The following OR7G3 variants were observed in gnomAD, a reference collection of about 807,000 sequenced individuals.
The protein encoded by OR7G3 is olfactory receptor family 7 subfamily G member 3, also known as olfactory receptor 7G3.
For synonymous variants in OR7G3, 143 were observed against 157.6 expected, an observed-to-expected ratio of 0.91 and a Z score of 0.69; for missense variants, 352 against 372.1, an observed-to-expected ratio of 0.95 and a Z score of 0.44.
In OR7G3 at chr19:9,126,866, T is replaced by A; in HGVS notation, c.85A>T (p.Met29Leu). Residue 29 changes from methionine to leucine, a missense_variant, in exon 1 of 1, where the codon ATG (methionine) becomes TTG (leucine). Met to Leu is a conservative substitution (Grantham distance 15). Coordinates refer to ENST00000305444, the MANE Select transcript of OR7G3 (RefSeq NM_001001958.1). ...GDPELQPILFMLFLSMYLATM... is the reference protein window; with the variant it reads ...GDPELQPILFLLFLSMYLATM... The stretch of plus-strand genomic sequence containing the variant: ...GCCAGGTACATGGACAGGAACAGCA[T>A]GAAGAGGATGGGCTGCAGCTCCGGA... 3 of 1,613,440 alleles carry A rather than the reference T, an allele frequency of 1.9e-6. No homozygotes were observed. Among genetic ancestry groups the A allele is most frequent in the East Asian group, 2.2e-5 (1 of 44,836 alleles).
Position 9,126,061 on chromosome 19 carries a change from A to G in OR7G3, c.890T>C (p.Met297Thr). The G allele has an allele frequency of 1.2e-6, 2 of 1,613,040 alleles. No individual in the cohort carries two copies. Among genetic ancestry groups the G allele is most frequent in the Non-Finnish European group, 1.7e-6 (2 of 1,179,208 alleles). Residue 297 changes from methionine (M) to threonine (T), a missense_variant, in exon 1 of 1, where the codon ATG (methionine) becomes ACG (threonine). Physicochemically the swap from Met to Thr is moderately conservative, Grantham distance 81. Transcript: ENST00000305444. ...TATTAGTTTCCTCAAAGCCTTCAACATGTCCTTGTTTCTCAGGCTGTAAAT... is the reference window on the plus strand; with the variant it reads ...TATTAGTTTCCTCAAAGCCTTCAACGTGTCCTTGTTTCTCAGGCTGTAAAT... Reference protein sequence around the residue: ...PLIYSLRNKDMLKALRKLISR... With the variant: ...PLIYSLRNKDTLKALRKLISR...
Position 9,126,289 on chromosome 19 carries a change from A to G in OR7G3, c.662T>C (p.Ile221Thr), listed in dbSNP as rs775795889. The change falls in exon 1 of 1, where the codon ATT (isoleucine) becomes ACT (threonine). Residue 221 changes from isoleucine (I) to threonine (T), a missense_variant. By Grantham distance (89) the Ile-to-Thr change is moderately conservative. Coordinates refer to ENST00000305444, the MANE Select transcript of OR7G3 (RefSeq NM_001001958.1). ...TGGAATTTTCATGACAGAGGAGACA[A>G]TTCGTGTGTAAGAGAAAATGATCCC... ...LSGIIFSYTR[I>T]VSSVMKIPSA... 1.9e-6 allele frequency: 3 copies of G among 1,614,078 alleles called. No homozygotes were observed. Among genetic ancestry groups the G allele is most frequent in the Non-Finnish European group, 2.5e-6 (3 of 1,180,034 alleles).
chr19:9,126,590 C>T lies in OR7G3; in HGVS notation c.361G>A (p.Asp121Asn), dbSNP rs1423090501. The T allele has an allele frequency of 6.2e-7, 1 of 1,614,074 alleles. No homozygotes were observed. Among genetic ancestry groups the T allele is most frequent in the East Asian group, 2.2e-5 (1 of 44,868 alleles). Reference protein sequence around the residue: ...ENGILVMMAYDRFVAICHPLR... With the variant: ...ENGILVMMAYNRFVAICHPLR... ...GGGTGACAGATGGCCACAAATCGAT[C>T]ATAGGCCATCATGACCAGAATTCCA... The change falls in exon 1 of 1, where the codon GAT (aspartate) becomes AAT (asparagine). Residue 121 changes from aspartate to asparagine, a missense_variant. By Grantham distance (23) the Asp-to-Asn change is conservative. Transcript: ENST00000305444.
rs200480653 is a variant in OR7G3, at chr19:9,126,928, T to C, written c.23A>G (p.Asp8Gly). Residue 8 changes from aspartate to glycine, a missense_variant, in exon 1 of 1, where the codon GAC (aspartate) becomes GGC (glycine). By Grantham distance (94) the Asp-to-Gly change is moderately conservative. Coordinates refer to ENST00000305444, the MANE Select transcript of OR7G3 (RefSeq NM_001001958.1). ...TCCCAAGAGAAAGAATTCTGGAGTG[T>C]CTGAGAAGTTTCCTGCTTTCATGTT... MKAGNFS[D>G]TPEFFLLGLS... 1.8e-5 allele frequency: 28 copies of C among 1,585,002 alleles called. No individual in the cohort carries two copies. Among genetic ancestry groups the C allele is most frequent in the Middle Eastern group, 1.7e-4 (1 of 5,924 alleles).
Position 9,126,233 on chromosome 19 carries a change from T to A in OR7G3, c.718A>T (p.Ile240Phe). The A allele has an allele frequency of 1.9e-6, 3 of 1,613,050 alleles. No homozygotes were observed. The highest frequency in any genetic ancestry group is 2.5e-6 in the Non-Finnish European group (3 of 1,179,756). Residue 240 changes from isoleucine to phenylalanine, a missense_variant, in exon 1 of 1, where the codon ATC (isoleucine) becomes TTC (phenylalanine). Ile to Phe is a conservative substitution (Grantham distance 21, BLOSUM62 0). Transcript: ENST00000305444. ...ACAACGATTAAATGTGACCCGCAGA[T>A]GGAAAAAGCTTTATACTTTCCACCA... ...SAGGKYKAFS[I>F]CGSHLIVVSL...
rs746655618 is a variant in OR7G3 at position 9,126,822 on chromosome 19, C to G, written c.129G>C (p.Leu43=). The G allele has an allele frequency of 5.6e-6, 9 of 1,614,020 alleles. No individual in the cohort carries two copies. The highest frequency in any genetic ancestry group is 6.8e-6 in the Non-Finnish European group (8 of 1,180,010). The change falls in exon 1 of 1, where the codon CTG becomes CTC. Residue 43 remains leucine, a synonymous_variant. Transcript: ENST00000305444. The part of the protein sequence containing the change: ...SMYLATMLGN[L]LIILAVNSDS... ...CAGAGTTGACGGCCAGGATGATGAG[C>G]AGGTTCCCCAGCATTGTGGCCAGGT...
chr19:9,126,807 G>C lies in OR7G3; in HGVS notation c.144C>G (p.Ala48=), dbSNP rs147849160. 1 of 1,614,002 alleles carries C rather than the reference G, an allele frequency of 6.2e-7. No individual in the cohort carries two copies. The highest frequency in any genetic ancestry group is 1.3e-5 in the African/African-American group (1 of 74,982). The change falls in exon 1 of 1, where the codon GCC becomes GCG. Residue 48 remains alanine, a synonymous_variant. Transcript: ENST00000305444. Reference sequence around the variant, plus strand: ...TGTGGAGGTGGGAGTCAGAGTTGACGGCCAGGATGATGAGCAGGTTCCCCA... The same window carrying C: ...TGTGGAGGTGGGAGTCAGAGTTGACCGCCAGGATGATGAGCAGGTTCCCCA... ...TMLGNLLIIL[A]VNSDSHLHTP... is the part of the protein sequence containing the mutation.
chr19:9,126,838 G>A lies in OR7G3; in HGVS notation c.113C>T (p.Thr38Ile), dbSNP rs1211410696. 1.2e-6 allele frequency: 2 copies of A among 1,613,864 alleles called. No individual in the cohort carries two copies. The highest frequency in any genetic ancestry group is 1.7e-6 in the Non-Finnish European group (2 of 1,179,970). The part of the protein sequence containing the change: ...FMLFLSMYLA[T>I]MLGNLLIILA... The stretch of plus-strand genomic sequence containing the variant: ...GATGATGAGCAGGTTCCCCAGCATT[G>A]TGGCCAGGTACATGGACAGGAACAG... The change falls in exon 1 of 1, where the codon ACA becomes ATA. Residue 38 changes from threonine (T) to isoleucine (I), a missense_variant. Transcript: ENST00000305444.
chr19:9,126,713 T>G lies in OR7G3; in HGVS notation c.238A>C (p.Lys80Gln), dbSNP rs756702211. Residue 80 changes from lysine (K) to glutamine (Q), a missense_variant, in exon 1 of 1, where the codon AAG becomes CAG. Lys to Gln is a moderately conservative substitution (Grantham distance 53, BLOSUM62 1). Coordinates refer to ENST00000305444, the MANE Select transcript of OR7G3 (RefSeq NM_001001958.1). ...DICFTSTTMP[K>Q]MLVNIQAQAQ... ...TGTGCCTGGATGTTCACCAGCATCT[T>G]GGGCATCGTGGTGGAGGTGAAACAG... The G allele has an allele frequency of 1.9e-6, 3 of 1,614,040 alleles. No individual in the cohort carries two copies. In the African/African-American group the frequency reaches 4.0e-5, roughly 22 times the overall value.
chr19:9,126,313 C>T lies in OR7G3; in HGVS notation c.638G>A (p.Gly213Glu). The T allele has an allele frequency of 6.2e-7, 1 of 1,614,000 alleles. No homozygotes were observed. The highest frequency in any genetic ancestry group is 8.5e-7 in the Non-Finnish European group (1 of 1,179,978). Residue 213 changes from glycine to glutamate, a missense_variant, in exon 1 of 1, where the codon GGG becomes GAG. Gly to Glu is a moderately conservative substitution (Grantham distance 98). Transcript: ENST00000305444. The stretch of plus-strand genomic sequence containing the variant: ...AATTCGTGTGTAAGAGAAAATGATC[C>T]CAGAGAGAGGAACAACACCTAACAG... ...TSLLGVVPLS[G>E]IIFSYTRIVS...
In OR7G3 at chr19:9,126,894, C is replaced by G. The variant is rs1394269193; in HGVS notation, c.57G>C (p.Gly19=). 6.2e-7 allele frequency: 1 copy of G among 1,608,594 alleles called. No individual in the cohort carries two copies. Among genetic ancestry groups the G allele is most frequent in the Non-Finnish European group, 8.5e-7 (1 of 1,177,408 alleles). Residue 19 remains glycine (G), a synonymous_variant, in exon 1 of 1, where the codon GGG becomes GGC. Transcript: ENST00000305444. ...TPEFFLLGLS[G]DPELQPILFM... Reference sequence around the variant, plus strand: ...AGAGGATGGGCTGCAGCTCCGGATCCCCTGACAATCCCAAGAGAAAGAATT... The same window carrying G: ...AGAGGATGGGCTGCAGCTCCGGATCGCCTGACAATCCCAAGAGAAAGAATT...
rs1483879417 is a variant in OR7G3, at chr19:9,126,577, G to A, written c.374C>T (p.Ala125Val). Residue 125 changes from alanine to valine, a missense_variant, in exon 1 of 1, where the codon GCC (alanine) becomes GTC (valine). Ala to Val is a moderately conservative substitution (Grantham distance 64, BLOSUM62 0). Coordinates refer to ENST00000305444, the MANE Select transcript of OR7G3 (RefSeq NM_001001958.1). ...LVMMAYDRFV[A>V]ICHPLRYNVI... ...ATTGTACCTCAGTGGGTGACAGATG[G>A]CCACAAATCGATCATAGGCCATCAT... The A allele has an allele frequency of 2.5e-6, 4 of 1,613,884 alleles. No homozygotes were observed. The highest frequency in any genetic ancestry group is 2.5e-6 in the Non-Finnish European group (3 of 1,180,002).
Position 9,126,313 on chromosome 19 carries a change from C to A in OR7G3, c.638G>T (p.Gly213Val). The A allele has an allele frequency of 8.7e-6, 14 of 1,614,000 alleles. No homozygotes were observed. The highest frequency in any genetic ancestry group is 1.2e-5 in the Non-Finnish European group (14 of 1,179,978). The change falls in exon 1 of 1, where the codon GGG becomes GTG. Residue 213 changes from glycine (G) to valine (V), a missense_variant. Gly to Val is a moderately radical substitution (Grantham distance 109). Coordinates refer to ENST00000305444, the MANE Select transcript of OR7G3 (RefSeq NM_001001958.1). ...TSLLGVVPLSGIIFSYTRIVS... is the reference protein window; with the variant it reads ...TSLLGVVPLSVIIFSYTRIVS... ...AATTCGTGTGTAAGAGAAAATGATC[C>A]CAGAGAGAGGAACAACACCTAACAG...
rs2145924244 is a variant in OR7G3, at chr19:9,126,235, G to T, written c.716C>A (p.Ser239Tyr). 6.2e-7 allele frequency: 1 copy of T among 1,612,920 alleles called. No individual in the cohort carries two copies. The highest frequency in any genetic ancestry group is 2.2e-5 in the East Asian group (1 of 44,860). ...AACGATTAAATGTGACCCGCAGATG[G>T]AAAAAGCTTTATACTTTCCACCAGC... ...PSAGGKYKAF[S>Y]ICGSHLIVVS... The change falls in exon 1 of 1, where the codon TCC becomes TAC. Residue 239 changes from serine (S) to tyrosine (Y), a missense_variant. Coordinates refer to ENST00000305444, the MANE Select transcript of OR7G3 (RefSeq NM_001001958.1).
Position 9,126,615 on chromosome 19 carries a change from A to T in OR7G3, c.336T>A (p.Asn112Lys). ...CATAGGCCATCATGACCAGAATTCC[A>T]TTTTCCAATCCAACAAAAACCAGGA... ...CFVLVFVGLE[N>K]GILVMMAYDR... The change falls in exon 1 of 1, where the codon AAT (asparagine) becomes AAA (lysine). Residue 112 changes from asparagine to lysine, a missense_variant. By Grantham distance (94) the Asn-to-Lys change is moderately conservative (BLOSUM62 0). Coordinates refer to ENST00000305444, the MANE Select transcript of OR7G3 (RefSeq NM_001001958.1). 1 of 1,614,090 alleles carries T rather than the reference A, an allele frequency of 6.2e-7. No homozygotes were observed. The highest frequency in any genetic ancestry group is 8.5e-7 in the Non-Finnish European group (1 of 1,180,014).
rs2145924581 is a variant in OR7G3, at chr19:9,126,596, C to T, written c.355G>A (p.Ala119Thr). 1.2e-6 allele frequency: 2 copies of T among 1,614,060 alleles called. No homozygotes were observed. The highest frequency in any genetic ancestry group is 4.5e-5 in the East Asian group (2 of 44,874). Residue 119 changes from alanine to threonine, a missense_variant, in exon 1 of 1, where the codon GCC becomes ACC. Physicochemically the swap from Ala to Thr is moderately conservative, Grantham distance 58 (BLOSUM62 0). Coordinates refer to ENST00000305444, the MANE Select transcript of OR7G3 (RefSeq NM_001001958.1). Reference protein sequence around the residue: ...GLENGILVMMAYDRFVAICHP... With the variant: ...GLENGILVMMTYDRFVAICHP... Reference sequence around the variant, plus strand: ...CAGATGGCCACAAATCGATCATAGGCCATCATGACCAGAATTCCATTTTCC... The same window carrying T: ...CAGATGGCCACAAATCGATCATAGGTCATCATGACCAGAATTCCATTTTCC...
chr19:9,126,495 A>G lies in OR7G3; in HGVS notation c.456T>C (p.Ser152=). The G allele has an allele frequency of 1.2e-6, 2 of 1,614,166 alleles. No individual in the cohort carries two copies. The highest frequency in any genetic ancestry group is 2.2e-5 in the South Asian group (2 of 91,088). ...GLLLLLSFIV[S]VLDALLHTLM... is the part of the protein sequence containing the mutation. ...ACGTGTGCAGCAGAGCATCCAGGACACTAACGATGAAGGACAGCAGAAGCA... is the reference window on the plus strand; with the variant it reads ...ACGTGTGCAGCAGAGCATCCAGGACGCTAACGATGAAGGACAGCAGAAGCA... The change falls in exon 1 of 1, where the codon AGT becomes AGC. Residue 152 remains serine, a synonymous_variant. Coordinates refer to ENST00000305444, the MANE Select transcript of OR7G3 (RefSeq NM_001001958.1).
rs376019855 is a variant in OR7G3, at chr19:9,126,067, T to A, written c.884A>T (p.Lys295Met). The A allele has an allele frequency of 5.6e-6, 9 of 1,613,294 alleles. No individual in the cohort carries two copies. The highest frequency in any genetic ancestry group is 7.6e-6 in the Non-Finnish European group (9 of 1,179,434). ...LNPLIYSLRN[K>M]DMLKALRKLI... ...TTTCCTCAAAGCCTTCAACATGTCCTTGTTTCTCAGGCTGTAAATGAGTGG... is the reference window on the plus strand; with the variant it reads ...TTTCCTCAAAGCCTTCAACATGTCCATGTTTCTCAGGCTGTAAATGAGTGG... The change falls in exon 1 of 1, where the codon AAG becomes ATG. Residue 295 changes from lysine (K) to methionine (M), a missense_variant. By Grantham distance (95) the Lys-to-Met change is moderately conservative (BLOSUM62 -1). Transcript: ENST00000305444.
Position 9,126,240 on chromosome 19 carries a change from A to G in OR7G3, c.711T>C (p.Ala237=). 6.2e-7 allele frequency: 1 copy of G among 1,614,090 alleles called. No homozygotes were observed. The highest frequency in any genetic ancestry group is 8.5e-7 in the Non-Finnish European group (1 of 1,180,000). ...KIPSAGGKYK[A]FSICGSHLIV... ...TTAAATGTGACCCGCAGATGGAAAA[A>G]GCTTTATACTTTCCACCAGCTGATG... The change falls in exon 1 of 1, where the codon GCT becomes GCC. Residue 237 remains alanine (A), a synonymous_variant. Transcript: ENST00000305444.
Sources: gnomAD v4.1 joint callset for allele counts on GRCh38, gnomAD v4.1.1 for gene constraint, MANE v1.5 for transcripts, NCBI Gene and HGNC (gene_info 2026-07-23, HGNC 2026-07-21) for gene names.